The following IQGAP2 variants were observed in gnomAD, a reference collection of about 807,000 sequenced individuals.
The protein encoded by IQGAP2 is ras GTPase-activating-like protein IQGAP2.
A neutral mutation model predicts 201.3 loss-of-function variants in IQGAP2; 173 were observed. The ratio of observed to expected loss-of-function variants is 0.86; its 90% CI spans 0.76 to 0.98. IQGAP2 has a LOEUF of 0.98. IQGAP2 is among the 50% of genes least tolerant of loss of function. The pLI, the probability that IQGAP2 is intolerant of heterozygous loss-of-function variation, is 0.00. For missense variants in IQGAP2, 1,687 were observed against 1,864.8 expected (o/e 0.90, Z 1.76); for synonymous variants, 675 against 673.9 (o/e 1.00, Z -0.03).
At chr5:76,516,970 G>A (rs964157047) in intron 2 of IQGAP2, among the ~76,000 whole-genome samples, 5 of 152,148 alleles carry the variant, frequency 3.3e-5, no homozygotes, top group Non-Finnish European at 4.4e-5. Flanking sequence ...TAGAAGGCAA[G>A]ATAGTGGCCC....
At chr5:76,476,860 A>G (rs968444887) in intron 2 of IQGAP2, among the ~76,000 whole-genome samples, 3 of 152,226 alleles carry the variant, frequency 2.0e-5, no homozygotes, top group South Asian at 2.1e-4. Context: ...AAATAATTTT[A>G]TATCATGACC....
At chr5:76,404,807 GT>G (rs1750706891) in intron 1 of IQGAP2, among the ~76,000 whole-genome samples, 1 of 151,236 alleles carries the variant, frequency 6.6e-6, no homozygotes, top group South Asian at 2.1e-4. Flanking sequence ...TTGCCTTTTG[GT>G]AAACCACACA....
intron 27 of IQGAP2, 180 bp from the exon 28 acceptor site, chr5:76,677,038 A>G (rs1744880476): frequency 1.7e-6 from 1 of 572,372 alleles, no homozygotes; most frequent in Non-Finnish European, 3.0e-6. Context: ...TCCAATATCC[A>G]GAAACATGGA....
intron 2 of IQGAP2, among the ~76,000 whole-genome samples, chr5:76,518,867 C>T (rs1187790017): frequency 5.3e-5 from 8 of 152,128 alleles, no homozygotes; most frequent in Middle Eastern, 3.4e-3. Context: ...CCAGTGTTAA[C>T]GTTAGTAAAT....
chr5:76,445,902 G>C (rs573555966), intron 1 of IQGAP2, among the ~76,000 whole-genome samples: 163 of 152,212 alleles, frequency 1.1e-3, no homozygotes, highest in African/African-American at 3.7e-3. Flanking sequence ...CTATGAATTT[G>C]ACTACTCTTG....
At chr5:76,493,990 C>G (rs1180560703) in intron 2 of IQGAP2, among the ~76,000 whole-genome samples, 2 of 152,210 alleles carry the variant, frequency 1.3e-5, no homozygotes, top group African/African-American at 4.8e-5. Flanking sequence ...AACCTATGCA[C>G]ATCTTCCCAT....
chr5:76,630,311 A>T (rs993325910), intron 14 of IQGAP2, among the ~76,000 whole-genome samples: 1 of 152,184 alleles, frequency 6.6e-6, no homozygotes, highest in African/African-American at 2.4e-5. Flanking sequence ...AGATTATAGC[A>T]CAGCACAATT....
At chr5:76,423,425 A>G (rs756760254) in intron 1 of IQGAP2, among the ~76,000 whole-genome samples, 2 of 152,204 alleles carry the variant, frequency 1.3e-5, no homozygotes, top group African/African-American at 4.8e-5. Context: ...GTTCAAGACC[A>G]GCCTGGCCAA....
At chr5:76,685,087 G>T (rs1344027503) in intron 30 of IQGAP2, among the ~76,000 whole-genome samples, 3 of 152,178 alleles carry the variant, frequency 2.0e-5, no homozygotes, top group East Asian at 1.9e-4. Flanking sequence ...AGCACAGTTC[G>T]ACAGTAGGAC....
chr5:76,664,993 T>A (rs1459357209), intron 21 of IQGAP2, 33 bp from the exon 22 acceptor site: 32 of 1,237,694 alleles, frequency 2.6e-5, no homozygotes, highest in Non-Finnish European at 3.4e-5. Context: ...GTATGAGAAT[T>A]AAAAAGGAGT....
intron 2 of IQGAP2, among the ~76,000 whole-genome samples, chr5:76,480,662 A>G (rs764541811): frequency 5.9e-5 from 9 of 152,128 alleles, no homozygotes; most frequent in Non-Finnish European, 1.0e-4. Context: ...TACAGCCCCA[A>G]TGTGTCAATT....
At chr5:76,441,854 C>T (rs924898030) in intron 1 of IQGAP2, among the ~76,000 whole-genome samples, 26 of 152,162 alleles carry the variant, frequency 1.7e-4, no homozygotes, top group Admixed American at 1.5e-3. Context: ...GTAGGAGTTA[C>T]AGCAGAATGG....
intron 2 of IQGAP2, among the ~76,000 whole-genome samples, chr5:76,519,754 T>G (rs1758552470): frequency 6.6e-6 from 1 of 152,210 alleles, no homozygotes; most frequent in Non-Finnish European, 1.5e-5. Flanking sequence ...CTCAGTGTAG[T>G]TTATTGTTTT....
chr5:76,683,292 T>C (rs1010488668), intron 29 of IQGAP2, 75 bp downstream of exon 29: 5 of 923,102 alleles, frequency 5.4e-6, no homozygotes, highest in Non-Finnish European at 8.5e-6. Context: ...TTCGTTGGTT[T>C]TCCTATCCTA....
intron 30 of IQGAP2, among the ~76,000 whole-genome samples, chr5:76,688,298 G>T (rs1745964420): frequency 6.6e-6 from 1 of 152,154 alleles, no homozygotes; most frequent in South Asian, 2.1e-4. Context: ...TTAACTTTCA[G>T]AAATGCCCTT....
intron 2 of IQGAP2, among the ~76,000 whole-genome samples, chr5:76,515,000 C>A (rs1291379005): frequency 1.3e-5 from 2 of 152,192 alleles, no homozygotes; most frequent in African/African-American, 4.8e-5. Context: ...TGATATGTTT[C>A]TGACATTAGA....
At chr5:76,441,257 G>T (rs1753017065) in intron 1 of IQGAP2, among the ~76,000 whole-genome samples, 2 of 152,154 alleles carry the variant, frequency 1.3e-5, no homozygotes, top group Non-Finnish European at 2.9e-5. Flanking sequence ...TTCAGCAGTG[G>T]TTAGCATGCT....
chr5:76,615,584 T>C (rs1322660120), intron 13 of IQGAP2: 2 of 152,218 alleles, frequency 1.3e-5, no homozygotes, highest in African/African-American at 4.8e-5. Flanking sequence ...TCTTTTATGC[T>C]TAAAGTTTCC....
chr5:76,612,085 C>CA (rs1748460444), intron 13 of IQGAP2, among the ~76,000 whole-genome samples: 1 of 152,232 alleles, frequency 6.6e-6, no homozygotes, highest in Non-Finnish European at 1.5e-5. Context: ...TGTATCATCT[C>CA]ATTTAATCAT....
Sources: gnomAD v4.1 joint callset for allele counts (sites outside exome capture counted in the v4.1 genomes callset) on GRCh38, gnomAD v4.1.1 for gene constraint, MANE v1.5 for transcripts, NCBI Gene and HGNC (gene_info 2026-07-23, HGNC 2026-07-21) for gene names.